Variants in CES5A observed in about 807,000 individuals in gnomAD.
CES5A encodes carboxylesterase 5A.
CES5A carries 67 observed loss-of-function variants against 62.9 expected under a neutral mutation model. The observed-to-expected ratio is 1.07, with a 90% confidence interval of 0.88 to 1.31. CES5A has a LOEUF of 1.31. Ranked by LOEUF, CES5A falls within the 50% of genes most tolerant of loss-of-function variation. The probability of loss-of-function intolerance (pLI) is 0.00; values close to 1 mark genes in which losing one functional copy is unlikely to be tolerated. For synonymous variants in CES5A, 296 were observed against 280.8 expected (o/e 1.05, Z -0.54); for missense variants, 748 against 708.5 (o/e 1.06, Z -0.63).
At chr16:55,947,737 G>A (rs1003602601) in intron 2 of CES5A, among the ~76,000 whole-genome samples, 1 of 152,158 alleles carries the variant, frequency 6.6e-6, no homozygotes, top group Non-Finnish European at 1.5e-5. Context: ...GAGCCATGAA[G>A]ATATCTGGGC....
At chr16:55,859,440 T>C (rs557891603) in intron 8 of CES5A, 107 bp downstream of exon 8, 20 of 1,114,414 alleles carry the variant, frequency 1.8e-5, no homozygotes, top group Admixed American at 4.3e-5. Context: ...GCTGGTGGGC[T>C]CCAGCACTTA....
intron 1 of CES5A, among the ~76,000 whole-genome samples, chr16:55,900,771 T>C (rs1057344427): frequency 6.6e-6 from 1 of 152,226 alleles, no homozygotes; most frequent in Admixed American, 6.5e-5. Context: ...CAGTTGGACC[T>C]GCCAACTTAT....
intron 1 of CES5A, among the ~76,000 whole-genome samples, chr16:55,920,790 C>A (rs1270738808): frequency 6.6e-6 from 1 of 152,142 alleles, no homozygotes; most frequent in African/African-American, 2.4e-5. Flanking sequence ...GTGACTGACC[C>A]TAACGAGATG....
chr16:55,855,013 C>T (rs1232253759), intron 9 of CES5A, among the ~76,000 whole-genome samples: 1 of 152,210 alleles, frequency 6.6e-6, no homozygotes, highest in Non-Finnish European at 1.5e-5. Flanking sequence ...TTGGTTCTTC[C>T]CAGTTTCTCC....
chr16:55,922,074 A>G (rs1181748840), intron 1 of CES5A, among the ~76,000 whole-genome samples: 1 of 152,042 alleles, frequency 6.6e-6, no homozygotes, highest in African/African-American at 2.4e-5. Flanking sequence ...GAATTAAAAC[A>G]TACTACCAGA....
rs1385645323 is a variant in CES5A at position 55,846,854 on chromosome 16, T to C, written c.1424-14A>G. The C allele has an allele frequency of 6.2e-7, 1 of 1,612,618 alleles. No homozygotes were observed. Among genetic ancestry groups the C allele is most frequent in the South Asian group, 1.1e-5 (1 of 91,006 alleles). On this transcript the variant is annotated splice_polypyrimidine_tract_variant and intron_variant, in intron 11 of 12. Coordinates refer to ENST00000290567, the MANE Select transcript of CES5A (RefSeq NM_001143685.2). ...CCGTGGCTCCTTCTGAAGGAGATAA[T>C]CACAAAATGCTGCTGCTCTGGGTGA...
intron 2 of CES5A, among the ~76,000 whole-genome samples, chr16:55,937,513 G>A (rs969351694): frequency 1.8e-4 from 28 of 152,330 alleles, no homozygotes; most frequent in African/African-American, 6.3e-4. Context: ...ACTTTGCCTG[G>A]TGAAATTCAG....
At chr16:55,911,908 G>C (rs527610682) in intron 1 of CES5A, among the ~76,000 whole-genome samples, 1 of 152,350 alleles carries the variant, frequency 6.6e-6, no homozygotes, top group East Asian at 1.9e-4. Flanking sequence ...CTGCCAGGGA[G>C]AGGGATGTGT....
At chr16:55,875,539 G>A (rs1303221807), upstream of CES5A, among the ~76,000 whole-genome samples, 43 of 152,338 alleles carry the variant, frequency 2.8e-4, 1 homozygote, top group Non-Finnish European at 2.4e-4. Flanking sequence ...AAGATTATGA[G>A]TTCTAGAGAC....
intron 2 of CES5A, among the ~76,000 whole-genome samples, chr16:55,932,383 A>G (rs2034323153): frequency 6.6e-6 from 1 of 152,216 alleles, no homozygotes. Context: ...AAACAGACTA[A>G]GACACTGGGG....
chr16:55,887,156 G>A (rs1310475526), intron 1 of CES5A, among the ~76,000 whole-genome samples: 1 of 152,064 alleles, frequency 6.6e-6, no homozygotes, highest in Non-Finnish European at 1.5e-5. Context: ...ATCAAGAGGT[G>A]AAAGAAATAT....
intron 1 of CES5A, among the ~76,000 whole-genome samples, chr16:55,914,810 CTG>C (rs1330904643): frequency 1.3e-5 from 2 of 152,144 alleles, no homozygotes; most frequent in Non-Finnish European, 2.9e-5. Flanking sequence ...TAGTGGGAAA[CTG>C]GGTGAAATCG....
chr16:55,874,124 G>A, intron 1 of CES5A, 87 bp from the exon 2 acceptor site: 1 of 1,195,052 alleles, frequency 8.4e-7, no homozygotes, highest in Non-Finnish European at 1.2e-6. Context: ...CAGTGGGGAT[G>A]TGCTTCCTTC....
intron 2 of CES5A, among the ~76,000 whole-genome samples, chr16:55,937,967 G>T (rs954388633): frequency 6.6e-6 from 1 of 152,084 alleles, no homozygotes; most frequent in African/African-American, 2.4e-5. Flanking sequence ...AGCAAAATTT[G>T]CCAAATACTA....
rs534205713 is a variant in CES5A, at chr16:55,895,372, G to A, written c.-255-21335C>T. ...CATGGGCTGTGTCCAGCAAATCCAC[G>A]GGGGGCAGTACTGCCCAAAGCGTGG... On this transcript the variant is annotated intron_variant, in intron 1 of 12. Coordinates refer to the CES5A transcript ENST00000518005. Among the ~76,000 whole-genome samples the A allele has an allele frequency of 8.5e-5, 13 of 152,316 alleles. No homozygotes were observed. The South Asian group carries it at 2.1e-3, about 24-fold the overall frequency.
chr16:55,898,697 A>C (rs1279998362), intron 1 of CES5A, among the ~76,000 whole-genome samples: 2 of 152,216 alleles, frequency 1.3e-5, no homozygotes, highest in Non-Finnish European at 2.9e-5. Flanking sequence ...CCTAGGAGGC[A>C]TATGGGGCCC....
intron 8 of CES5A, among the ~76,000 whole-genome samples, chr16:55,858,247 T>C (rs1474197140): frequency 6.6e-6 from 1 of 152,140 alleles, no homozygotes; most frequent in Non-Finnish European, 1.5e-5. Context: ...CCTAAATGCA[T>C]AAAAATTATA....
intron 1 of CES5A, among the ~76,000 whole-genome samples, chr16:55,900,212 G>A (rs2142440992): frequency 6.6e-6 from 1 of 152,280 alleles, no homozygotes; most frequent in African/African-American, 2.4e-5. Context: ...CCCTGCCCCA[G>A]GAGAAGTTTC....
chr16:55,877,124 C>T (rs929103508), upstream of CES5A, among the ~76,000 whole-genome samples: 18 of 152,284 alleles, frequency 1.2e-4, no homozygotes, highest in African/African-American at 4.1e-4. Context: ...AGGACTTCTG[C>T]AAGTGGGTCC....
Sources: gnomAD v4.1 joint callset for allele counts (sites outside exome capture counted in the v4.1 genomes callset) on GRCh38, gnomAD v4.1.1 for gene constraint, MANE v1.5 for transcripts, NCBI Gene and HGNC (gene_info 2026-07-23, HGNC 2026-07-21) for gene names.